The following CCDC192 variants were observed in gnomAD, a reference collection of about 807,000 sequenced individuals.
CCDC192 encodes the protein coiled-coil domain containing 192, also known as coiled-coil domain-containing protein 192.
At chr5:127,783,059 G>A (rs1220147503) in intron 3 of CCDC192, among the ~76,000 whole-genome samples, 3 of 150,264 alleles carry the variant, frequency 2.0e-5, no homozygotes, top group East Asian at 3.9e-4. Flanking sequence ...TCAGTGGCAC[G>A]ATCTTGGCTC....
chr5:127,710,421 C>A (rs1751256472), intron 2 of CCDC192, among the ~76,000 whole-genome samples: 1 of 151,928 alleles, frequency 6.6e-6, no homozygotes, highest in South Asian at 2.1e-4. Context: ...GACCACCAAG[C>A]AGAATTAACC....
intron 6 of CCDC192, among the ~76,000 whole-genome samples, chr5:127,889,881 A>ATT (rs5871280): frequency 2.1e-3 from 313 of 147,832 alleles, no homozygotes; most frequent in Middle Eastern, 7.1e-3. Context: ...AGTTTTATAA[A>ATT]TTTTTTTTTT....
intron 5 of CCDC192, among the ~76,000 whole-genome samples, chr5:127,808,899 A>G (rs1303566414): frequency 6.6e-6 from 1 of 152,214 alleles, no homozygotes; most frequent in African/African-American, 2.4e-5. Context: ...GAGAATGTAT[A>G]AATGCCATAT....
intron 1 of CCDC192, among the ~76,000 whole-genome samples, chr5:127,704,785 G>A (rs1474236218): frequency 6.6e-6 from 1 of 151,730 alleles, no homozygotes; most frequent in African/African-American, 2.4e-5. Context: ...TCCCCAGTAA[G>A]CCTAGATCGC....
rs375516172 is a variant in CCDC192, at chr5:127,783,448, T to C, written c.223-13655T>C. 1.8e-4 allele frequency among the ~76,000 whole-genome samples: 28 copies of C among 152,304 alleles called. No individual in the cohort carries two copies. In the South Asian group the frequency reaches 5.8e-3, roughly 32 times the overall value. Reference sequence around the variant, plus strand: ...ATGATTTTGAAGGTTTCTTTTGGAGTTGATTTTCAGTTTTATTCCACTGTG... The same window carrying C: ...ATGATTTTGAAGGTTTCTTTTGGAGCTGATTTTCAGTTTTATTCCACTGTG... On this transcript the variant is annotated intron_variant, in intron 3 of 6. Transcript: ENST00000514853.
chr5:127,822,065 C>T (rs1303386449), intron 5 of CCDC192, among the ~76,000 whole-genome samples: 2 of 152,288 alleles, frequency 1.3e-5, no homozygotes, highest in South Asian at 4.2e-4. Context: ...ATGCTTTTTG[C>T]CTAAGAAACA....
chr5:127,921,151 G>GGACAGGA (rs1411025683), intron 6 of CCDC192, among the ~76,000 whole-genome samples: 14 of 147,484 alleles, frequency 9.5e-5, no homozygotes, highest in African/African-American at 3.0e-4. Flanking sequence ...GGAGAGGAAA[G>GGACAGGA]GAAAGGAGAA....
At chr5:127,718,226 G>A (rs1295075103) in intron 2 of CCDC192, among the ~76,000 whole-genome samples, 2 of 152,168 alleles carry the variant, frequency 1.3e-5, no homozygotes, top group South Asian at 2.1e-4. Context: ...TCATGCAAAT[G>A]TGTTCTTTTA....
intron 2 of CCDC192, among the ~76,000 whole-genome samples, chr5:127,712,796 T>C (rs1218537203): frequency 6.6e-6 from 1 of 152,258 alleles, no homozygotes; most frequent in Non-Finnish European, 1.5e-5. Flanking sequence ...TAGAGTCATA[T>C]GGTAGGTGTA....
chr5:127,826,845 T>C (rs1749555470), intron 5 of CCDC192, among the ~76,000 whole-genome samples: 1 of 152,046 alleles, frequency 6.6e-6, no homozygotes, highest in South Asian at 2.1e-4. Flanking sequence ...ATCATTTTAC[T>C]GGAGAACAAG....
chr5:127,898,644 A>C (rs1249922550), intron 6 of CCDC192, among the ~76,000 whole-genome samples: 1 of 152,114 alleles, frequency 6.6e-6, no homozygotes, highest in Non-Finnish European at 1.5e-5. Context: ...GCATGCAAGA[A>C]GGTTTTTTGA....
In CCDC192 at chr5:127,941,245, T is replaced by A; in HGVS notation, c.599T>A (p.Ile200Asn). The change falls in exon 7 of 7, where the codon ATT (isoleucine) becomes AAT (asparagine). Residue 200 changes from isoleucine (I) to asparagine (N), a missense_variant. By Grantham distance (149) the Ile-to-Asn change is moderately radical. Transcript: ENST00000514853. ...LPPVEEGDRK[I>N]SLIMELSTQV... is the part of the protein sequence containing the mutation. ...CCTGTGGAAGAAGGTGATAGAAAAA[T>A]TAGCCTGATAATGGAACTGTCAACC... 1.0e-5 allele frequency: 4 copies of A among 398,878 alleles called. No homozygotes were observed. Among genetic ancestry groups the A allele is most frequent in the Non-Finnish European group, 1.8e-5 (4 of 226,032 alleles). The allele number at this position is 398,878 out of a possible 1,614,324, so 24.7% of individuals were successfully genotyped here. A position where few individuals can be genotyped will look rare whatever the true frequency, so the allele number is the denominator to read the frequency against.
At chr5:127,712,195 G>C (rs1413231412) in intron 2 of CCDC192, among the ~76,000 whole-genome samples, 1 of 152,144 alleles carries the variant, frequency 6.6e-6, no homozygotes, top group Non-Finnish European at 1.5e-5. Flanking sequence ...TTTTATTGCA[G>C]AATAGTTTCC....
At chr5:127,883,615 A>G (rs964362298) in intron 6 of CCDC192, among the ~76,000 whole-genome samples, 2 of 152,216 alleles carry the variant, frequency 1.3e-5, no homozygotes, top group African/African-American at 4.8e-5. Context: ...AACTTCCCGC[A>G]AGGATAAGCA....
chr5:127,793,693 G>A lies in CCDC192; in HGVS notation c.223-3410G>A, dbSNP rs1162189119. Among the ~76,000 whole-genome samples the A allele has an allele frequency of 1.3e-5, 2 of 152,184 alleles. 1 individual carries two copies. Among genetic ancestry groups the A allele is most frequent in the East Asian group, 3.8e-4 (2 of 5,200 alleles). On this transcript the variant is annotated intron_variant, in intron 3 of 6. Transcript: ENST00000514853. ...AAGAAAATTGCTGATAGGGTTTTGA[G>A]CAATGATGTAAGGTAACATTTATAT... is the stretch of plus-strand genomic sequence containing the variant.
intron 3 of CCDC192, among the ~76,000 whole-genome samples, chr5:127,757,491 T>A (rs1754663610): frequency 6.6e-6 from 1 of 152,102 alleles, no homozygotes; most frequent in Non-Finnish European, 1.5e-5. Flanking sequence ...TTTTGCTTTC[T>A]CCAATGTTTA....
chr5:127,851,736 G>A (rs1750806521), intron 5 of CCDC192, among the ~76,000 whole-genome samples: 2 of 152,144 alleles, frequency 1.3e-5, no homozygotes, highest in South Asian at 2.1e-4. Flanking sequence ...GATTACAGGC[G>A]TGAACCACTG....
At chr5:127,704,112 G>C (rs146332331) in intron 1 of CCDC192, among the ~76,000 whole-genome samples, 1 of 152,296 alleles carries the variant, frequency 6.6e-6, no homozygotes, top group Non-Finnish European at 1.5e-5. Context: ...CATCTCTGTA[G>C]CAGGAGCTAC....
rs146268788 is a variant in CCDC192, at chr5:127,921,189, AAGAG to A, written c.536-19985_536-19982del. ...GAAAAGAAAAGAAAAGAAGGAAGGAAAGAGAGAGAGAAAGAAAGAGAGTAGTGGA... is the reference window on the plus strand; with the variant it reads ...GAAAAGAAAAGAAAAGAAGGAAGGAAAGAGAGAAAGAAAGAGAGTAGTGGA... On this transcript the variant is annotated intron_variant, in intron 6 of 6. Transcript: ENST00000514853. 3.2e-3 allele frequency among the ~76,000 whole-genome samples: 487 copies of A among 151,582 alleles called. 5 individuals are homozygous for A. Among genetic ancestry groups the A allele is most frequent in the African/African-American group, 0.011 (471 of 41,288 alleles).
Sources: allele counts gnomAD v4.1 joint callset (sites outside exome capture counted in the v4.1 genomes callset), GRCh38; gene constraint gnomAD v4.1.1; transcripts MANE v1.5; gene names NCBI Gene and HGNC (gene_info 2026-07-23, HGNC 2026-07-21).